Variants in RBFOX1 observed in about 807,000 individuals in gnomAD.
RBFOX1 encodes RNA binding protein fox-1 homolog 1.
A neutral mutation model predicts 57.7 loss-of-function variants in RBFOX1; 8 were observed. The observed-to-expected ratio is 0.14, with a 90% CI of 0.08 to 0.25. The LOEUF is 0.25. Ranked by LOEUF, RBFOX1 falls within the 10% of genes least tolerant of loss-of-function variation. The probability of loss-of-function intolerance (pLI) is 1.00; values close to 1 mark genes in which losing one functional copy is unlikely to be tolerated. For synonymous variants in RBFOX1, 326 were observed against 222.4 expected (o/e 1.47, Z -4.15); for missense variants, 611 against 548.5 (o/e 1.11, Z -1.14).
At chr16:7,202,064 C>T (rs1448332114) in intron 4 of RBFOX1, among the ~76,000 whole-genome samples, 6 of 152,120 alleles carry the variant, frequency 3.9e-5, no homozygotes, top group East Asian at 3.9e-4. Context: ...CTCCTAGAGC[C>T]GCTTAACTGT....
chr16:7,630,359 T>TC (rs1201681878), intron 10 of RBFOX1, among the ~76,000 whole-genome samples: 2 of 149,552 alleles, frequency 1.3e-5, no homozygotes, highest in African/African-American at 4.9e-5. Flanking sequence ...GCAACCAGAG[T>TC]CCGCTACACA....
chr16:5,856,203 A>ATT (rs1304668205), intron 3 of RBFOX1, among the ~76,000 whole-genome samples: 1 of 45,244 alleles, frequency 2.2e-5, no homozygotes, highest in African/African-American at 6.6e-5. Context: ...ATATATATAT[A>ATT]TATACATATA....
At chr16:6,935,488 C>T (rs143909679) in intron 3 of RBFOX1, among the ~76,000 whole-genome samples, 217 of 152,264 alleles carry the variant, frequency 1.4e-3, no homozygotes, top group African/African-American at 5.1e-3. Context: ...TTGTCTTAAG[C>T]CATTACATTT....
At chr16:7,458,513 C>T (rs748909833) in intron 4 of RBFOX1, among the ~76,000 whole-genome samples, 9 of 152,162 alleles carry the variant, frequency 5.9e-5, no homozygotes, top group East Asian at 1.9e-4. Context: ...TTTACTGTTG[C>T]TTATTTTTTG....
intron 4 of RBFOX1, among the ~76,000 whole-genome samples, chr16:7,086,361 C>T (rs928064681): frequency 3.3e-5 from 5 of 152,136 alleles, no homozygotes; most frequent in Non-Finnish European, 7.3e-5. Flanking sequence ...ATTTCCCCCT[C>T]TCCCCTTCTG....
chr16:7,633,854 A>G lies in RBFOX1; in HGVS notation c.757+3171A>G, dbSNP rs1421169743. On this transcript the variant is annotated intron_variant, in intron 11 of 15. Coordinates refer to ENST00000550418, the MANE Select transcript of RBFOX1 (RefSeq NM_018723.4). ...TTTCTCTTTTATGGCTTTTTGGTCTAGGCTGTTTGTGGATTGCTGGCTTGG... is the reference window on the plus strand; with the variant it reads ...TTTCTCTTTTATGGCTTTTTGGTCTGGGCTGTTTGTGGATTGCTGGCTTGG... Among the ~76,000 whole-genome samples, 3 of 152,266 alleles carry G rather than the reference A, an allele frequency of 2.0e-5. 1 individual carries two copies. The East Asian group carries it at 5.8e-4, about 29-fold the overall frequency.
At chr16:6,450,824 T>TAC (rs2094592994) in intron 2 of RBFOX1, among the ~76,000 whole-genome samples, 1 of 33,240 alleles carries the variant, frequency 3.0e-5, no homozygotes, top group Admixed American at 3.8e-4. Context: ...TATACATATA[T>TAC]ATATATATAT....
intron 4 of RBFOX1, among the ~76,000 whole-genome samples, chr16:7,443,197 AC>A (rs1444199379): frequency 2.0e-5 from 3 of 152,154 alleles, no homozygotes; most frequent in African/African-American, 7.2e-5. Flanking sequence ...GATTTCATGT[AC>A]TACCACCTTT....
chr16:5,518,734 C>T (rs777106119), intron 2 of RBFOX1, among the ~76,000 whole-genome samples: 10 of 152,098 alleles, frequency 6.6e-5, no homozygotes, highest in East Asian at 3.9e-4. Context: ...AACTGTGAAG[C>T]GAAGGTCCCT....
intron 1 of RBFOX1, among the ~76,000 whole-genome samples, chr16:5,405,352 T>C (rs1437060371): frequency 6.6e-6 from 1 of 152,246 alleles, no homozygotes; most frequent in Non-Finnish European, 1.5e-5. Context: ...GCTGTTCTCA[T>C]GATAGTAAGT....
chr16:6,684,611 G>C (rs986506938), intron 3 of RBFOX1, among the ~76,000 whole-genome samples: 1 of 152,182 alleles, frequency 6.6e-6, no homozygotes, highest in Non-Finnish European at 1.5e-5. Flanking sequence ...TTCTGTGAGT[G>C]AGATGAGGGG....
chr16:6,377,159 C>G (rs1295345323), intron 2 of RBFOX1, among the ~76,000 whole-genome samples: 3 of 151,182 alleles, frequency 2.0e-5, no homozygotes, highest in African/African-American at 7.3e-5. Flanking sequence ...CCTGTAGGCC[C>G]AGCTACTTGG....
intron 4 of RBFOX1, among the ~76,000 whole-genome samples, chr16:5,994,834 G>A (rs1337729163): frequency 6.6e-6 from 1 of 152,118 alleles, no homozygotes; most frequent in Non-Finnish European, 1.5e-5. Flanking sequence ...CCTAGCAAAG[G>A]GCCAAGTGCC....
chr16:6,421,954 TC>T (rs760599944), intron 2 of RBFOX1, among the ~76,000 whole-genome samples: 7 of 83,018 alleles, frequency 8.4e-5, no homozygotes, highest in Non-Finnish European at 1.6e-4. Context: ...GGAGTCTCAC[TC>T]CGTTGCCCAC....
At chr16:5,956,020 G>C (rs2059631422) in intron 4 of RBFOX1, among the ~76,000 whole-genome samples, 1 of 152,106 alleles carries the variant, frequency 6.6e-6, no homozygotes. Flanking sequence ...CCAGTACTTT[G>C]GGAGCCTGAG....
At chr16:7,600,346 G>A (rs1454835222) in intron 9 of RBFOX1, among the ~76,000 whole-genome samples, 2 of 152,130 alleles carry the variant, frequency 1.3e-5, no homozygotes, top group African/African-American at 4.8e-5. Context: ...GGAGAACTTT[G>A]GTGTTCAAAG....
intron 3 of RBFOX1, among the ~76,000 whole-genome samples, chr16:6,694,955 C>A (rs543832106): frequency 6.6e-6 from 1 of 151,748 alleles, no homozygotes; most frequent in South Asian, 2.1e-4. Context: ...TTGCATAGTT[C>A]AGTACCACAG....
intron 3 of RBFOX1, among the ~76,000 whole-genome samples, chr16:5,850,221 G>A (rs917537325): frequency 6.6e-6 from 1 of 152,282 alleles, no homozygotes; most frequent in African/African-American, 2.4e-5. Context: ...CTGCTTGGCC[G>A]AAGCATGAGG....
At chr16:5,693,567 G>T (rs2050759388) in intron 3 of RBFOX1, among the ~76,000 whole-genome samples, 1 of 152,064 alleles carries the variant, frequency 6.6e-6, no homozygotes, top group Non-Finnish European at 1.5e-5. Flanking sequence ...TTCCCTGCAG[G>T]TCAGGCCCTT....
Sources: gnomAD v4.1 joint callset for allele counts (sites outside exome capture counted in the v4.1 genomes callset) on GRCh38, gnomAD v4.1.1 for gene constraint, MANE v1.5 for transcripts, NCBI Gene and HGNC (gene_info 2026-07-23, HGNC 2026-07-21) for gene names.